MRLN: variants seen among roughly 807,000 people sequenced by gnomAD.
The protein encoded by MRLN is Linc-RNA activator of myogenesis.
chr10:59,743,983 G>A lies in MRLN; in HGVS notation c.-124-5421C>T, dbSNP rs574559088. Among the ~76,000 whole-genome samples the A allele has an allele frequency of 2.0e-5, 3 of 152,290 alleles. No individual in the cohort carries two copies. The South Asian group carries it at 6.2e-4, about 32-fold the overall frequency. On this transcript the variant is annotated intron_variant, in intron 1 of 2. Coordinates refer to ENST00000414264, the MANE Select transcript of MRLN (RefSeq NM_001304731.2). ...CTCAGTGCTCAATGTTGCCCAGGCT[G>A]GAGTGCAGTGGCGTGATCTCGGCTC...
intron 2 of MRLN, 39 bp downstream of exon 2, chr10:59,738,420 T>TA (rs1348421350): frequency 6.6e-6 from 1 of 152,158 alleles, no homozygotes; most frequent in Non-Finnish European, 1.5e-5. Flanking sequence ...AATAGACAAT[T>TA]AGTGAGGAAT....
intron 1 of MRLN, chr10:59,739,280 T>G (rs1409627508): frequency 6.6e-6 from 1 of 152,174 alleles, no homozygotes; most frequent in Non-Finnish European, 1.5e-5. Context: ...TTAAGTACAG[T>G]CATCCCTCAG....
chr10:59,752,779 C>A (rs1375367711), intron 1 of MRLN, among the ~76,000 whole-genome samples: 4 of 151,160 alleles, frequency 2.6e-5, no homozygotes, highest in Non-Finnish European at 4.4e-5. Flanking sequence ...CTCAGAAGCA[C>A]CCAGCATAAA....
chr10:59,749,435 C>G (rs1001700532), intron 1 of MRLN, among the ~76,000 whole-genome samples: 4 of 151,974 alleles, frequency 2.6e-5, no homozygotes, highest in African/African-American at 7.2e-5. Flanking sequence ...GGCTCACACC[C>G]GTAATCCCAG....
chr10:59,747,392 G>A (rs1379271602), intron 1 of MRLN, among the ~76,000 whole-genome samples: 1 of 152,220 alleles, frequency 6.6e-6, no homozygotes, highest in Non-Finnish European at 1.5e-5. Flanking sequence ...ATAAAGTGGG[G>A]ATAATGGTAC....
intron 1 of MRLN, among the ~76,000 whole-genome samples, chr10:59,753,017 G>A (rs1012006120): frequency 4.6e-5 from 7 of 152,144 alleles, no homozygotes; most frequent in African/African-American, 1.7e-4. Context: ...GAAAATACAA[G>A]GAGACAGGTC....
chr10:59,740,780 C>T (rs140188437), intron 1 of MRLN, among the ~76,000 whole-genome samples: 1 of 9,008 alleles, frequency 1.1e-4, no homozygotes, highest in African/African-American at 2.4e-4. Flanking sequence ...TCTTTGTTTT[C>T]TTTCTTTCTT....
chr10:59,750,272 T>C (rs1295610974), intron 1 of MRLN, among the ~76,000 whole-genome samples: 3 of 152,038 alleles, frequency 2.0e-5, no homozygotes, highest in African/African-American at 7.2e-5. Flanking sequence ...GGTTTCACCA[T>C]GTTGGACAGG....
intron 1 of MRLN, among the ~76,000 whole-genome samples, chr10:59,748,501 T>C (rs560519899): frequency 6.6e-6 from 1 of 152,362 alleles, no homozygotes; most frequent in East Asian, 1.9e-4. Context: ...TATGTTTAAA[T>C]GATGGCAGGC....
intron 1 of MRLN, among the ~76,000 whole-genome samples, chr10:59,742,099 C>T (rs1421599564): frequency 6.6e-6 from 1 of 152,144 alleles, no homozygotes; most frequent in Non-Finnish European, 1.5e-5. Context: ...AAGTGTATCC[C>T]CCACCAGAAT....
intron 1 of MRLN, among the ~76,000 whole-genome samples, chr10:59,752,983 A>G (rs1056131347): frequency 2.0e-5 from 3 of 152,166 alleles, no homozygotes; most frequent in African/African-American, 7.2e-5. Context: ...TTCTCTTTGA[A>G]ATCACTGGAA....
chr10:59,742,745 T>C (rs1840998194), intron 1 of MRLN, among the ~76,000 whole-genome samples: 1 of 151,748 alleles, frequency 6.6e-6, no homozygotes, highest in Non-Finnish European at 1.5e-5. Flanking sequence ...TTGCTTGCTT[T>C]CTTTCGAGAG....
chr10:59,752,360 T>G lies in MRLN; in HGVS notation c.-125+994A>C, dbSNP rs561325190. ...TTGTTAAAATAACAGTCACTGTCAC[T>G]ATACTTGGCTTCTTATATACACTGA... On this transcript the variant is annotated intron_variant, in intron 1 of 2. Coordinates refer to ENST00000414264, the MANE Select transcript of MRLN (RefSeq NM_001304731.2). 2.0e-5 allele frequency among the ~76,000 whole-genome samples: 3 copies of G among 152,362 alleles called. No individual in the cohort carries two copies. The East Asian group carries it at 5.8e-4, about 29-fold the overall frequency.
intron 2 of MRLN, among the ~76,000 whole-genome samples, chr10:59,737,648 C>CAAA (rs60567923): frequency 2.0e-5 from 1 of 50,284 alleles, no homozygotes; most frequent in African/African-American, 5.9e-5. Context: ...AGGTACTGAT[C>CAAA]AAAAAAAAAA....
intron 1 of MRLN, among the ~76,000 whole-genome samples, chr10:59,745,108 A>G (rs1841029902): frequency 6.6e-6 from 1 of 151,216 alleles, no homozygotes; most frequent in Non-Finnish European, 1.5e-5. Flanking sequence ...TGATCAATAA[A>G]TACTAAAAAA....
At chr10:59,742,455 T>C (rs1840993605) in intron 1 of MRLN, among the ~76,000 whole-genome samples, 1 of 152,136 alleles carries the variant, frequency 6.6e-6, no homozygotes, top group Non-Finnish European at 1.5e-5. Context: ...GTAATGCAAG[T>C]GGTAAATTTA....
chr10:59,753,234 T>C (rs1439348844), intron 1 of MRLN, 120 bp downstream of exon 1: 1 of 152,184 alleles, frequency 6.6e-6, no homozygotes, highest in Non-Finnish European at 1.5e-5. Flanking sequence ...TAGCCTACTA[T>C]GTTCTCCCTC....
At position 59,748,811 on chromosome 10, in the gene MRLN, C is replaced by T. The variant is rs1051897617; in HGVS notation, c.-125+4543G>A. On this transcript the variant is annotated intron_variant, in intron 1 of 2. Transcript: ENST00000414264. Reference sequence around the variant, plus strand: ...CACCAGTCAGCTACGTGAGGAGAGTCTACCTTCATCACCCTCCAACATCTT... The same window carrying T: ...CACCAGTCAGCTACGTGAGGAGAGTTTACCTTCATCACCCTCCAACATCTT... Among the ~76,000 whole-genome samples the T allele has an allele frequency of 2.0e-5, 3 of 152,322 alleles. No homozygotes were observed. In the East Asian group the frequency reaches 5.8e-4, roughly 29 times the overall value.
chr10:59,745,543 T>A (rs1202739043), intron 1 of MRLN, among the ~76,000 whole-genome samples: 1 of 139,282 alleles, frequency 7.2e-6, no homozygotes, highest in East Asian at 2.3e-4. Context: ...TTTCCTCATT[T>A]CTAGAGGCCA....
Sources: allele counts gnomAD v4.1 joint callset (sites outside exome capture counted in the v4.1 genomes callset), GRCh38; gene constraint gnomAD v4.1.1; transcripts MANE v1.5; gene names NCBI Gene and HGNC (gene_info 2026-07-23, HGNC 2026-07-21).